RARA: variants seen among roughly 807,000 people sequenced by gnomAD.
RARA encodes PML-DDX5-RARA fusion.
Under a neutral mutation model 42.8 loss-of-function variants are expected in RARA, and 5 were observed. The observed-to-expected ratio is 0.12, with a 90% CI of 0.06 to 0.25. RARA has a LOEUF of 0.25. RARA is among the 10% of genes least tolerant of loss of function. RARA has a pLI of 1.00. For missense variants in RARA, 402 were observed against 628.7 expected (o/e 0.64, Z 3.86); for synonymous variants, 256 against 259.5 (o/e 0.99, Z 0.13).
At position 40,357,510 on chromosome 17, in the gene RARA, G is replaced by T. The variant is rs1309093964; in HGVS notation, c.*1284G>T. On this transcript the variant is annotated 3_prime_UTR_variant, in exon 9 of 9. Transcript: ENST00000254066. The stretch of plus-strand genomic sequence containing the variant: ...TCCCCTCACCCCTGCACCCCCAGCT[G>T]GGGGAGCTGGCTCTGCCCCGACCTC... The T allele has an allele frequency of 4.3e-6, 1 of 230,420 alleles. No individual in the cohort carries two copies. Among genetic ancestry groups the T allele is most frequent in the East Asian group, 6.1e-5 (1 of 16,322 alleles). 14.3% of individuals were successfully genotyped at this position (230,420 alleles called of 1,614,324 possible).
chr17:40,335,658 C>T (rs925556836), intron 2 of RARA, among the ~76,000 whole-genome samples: 1 of 151,800 alleles, frequency 6.6e-6, no homozygotes, highest in Non-Finnish European at 1.5e-5. Flanking sequence ...CCACTGCACT[C>T]CAGCCTGGGG....
intron 1 of RARA, among the ~76,000 whole-genome samples, chr17:40,315,072 TGAG>T (rs2033165860): frequency 2.1e-5 from 3 of 140,878 alleles, no homozygotes; most frequent in Admixed American, 1.5e-4. Context: ...AGGAAAGAGT[TGAG>T]GAGGGAACAT....
At chr17:40,325,941 T>C (rs1194206322) in intron 1 of RARA, among the ~76,000 whole-genome samples, 2 of 152,088 alleles carry the variant, frequency 1.3e-5, no homozygotes, top group East Asian at 1.9e-4. Context: ...GAGGAAATGG[T>C]CTATTTCTCT....
At chr17:40,319,774 G>T (rs1467257762) in intron 1 of RARA, among the ~76,000 whole-genome samples, 1 of 152,218 alleles carries the variant, frequency 6.6e-6, no homozygotes, top group African/African-American at 2.4e-5. Flanking sequence ...GGAAGCCCCG[G>T]GTTGGAGTGG....
intron 2 of RARA, chr17:40,342,157 G>T (rs2034079125): frequency 1.1e-5 from 12 of 1,050,128 alleles, no homozygotes; most frequent in South Asian, 4.5e-5. Flanking sequence ...GGGGTGGGGG[G>T]GCCGTGGCGC....
At position 40,355,127 on chromosome 17, in the gene RARA, C is replaced by T. The variant is rs1326649838; in HGVS notation, c.1013-136C>T. On this transcript the variant is annotated intron_variant, in intron 7 of 8. Transcript: ENST00000254066. This position sits in a 1 kb window ranked among gnomAD's most constrained non-coding sequence, Gnocchi z 4.1. Reference sequence around the variant, plus strand: ...CTCTGTACCCTGCGGCAGCAGAGACCCCATGCCCTGCCCTGTGTGGGGAGG... The same window carrying T: ...CTCTGTACCCTGCGGCAGCAGAGACTCCATGCCCTGCCCTGTGTGGGGAGG... 1 of 1,118,462 alleles carries T rather than the reference C, an allele frequency of 8.9e-7. No individual in the cohort carries two copies. The highest frequency in any genetic ancestry group is 2.6e-5 in the East Asian group (1 of 38,414). The allele number at this position is 1,118,462 out of a possible 1,614,324, so 69.3% of individuals were successfully genotyped here.
At chr17:40,322,306 T>G (rs1344850148) in intron 1 of RARA, among the ~76,000 whole-genome samples, 1 of 150,564 alleles carries the variant, frequency 6.6e-6, no homozygotes, top group Non-Finnish European at 1.5e-5. Context: ...AGGGGAGAGG[T>G]GGCAGGGGCT....
In RARA at chr17:40,345,871, T is replaced by G. The variant is rs928773034; in HGVS notation, c.179-2445T>G. ...TCCCCACACCTCCGGCCTTGGTCCTTGTACCTCACCTCCTTGGACTGCTGG... is the reference window on the plus strand; with the variant it reads ...TCCCCACACCTCCGGCCTTGGTCCTGGTACCTCACCTCCTTGGACTGCTGG... On this transcript the variant is annotated intron_variant, in intron 2 of 8. Transcript: ENST00000254066. This position sits in a 1 kb window ranked among gnomAD's most constrained non-coding sequence, Gnocchi z 4.8. Among the ~76,000 whole-genome samples the G allele has an allele frequency of 6.6e-6, 1 of 152,176 alleles. No individual in the cohort carries two copies. Among genetic ancestry groups the G allele is most frequent in the Non-Finnish European group, 1.5e-5 (1 of 68,028 alleles).
At chr17:40,314,177 T>TGGG (rs2033147274) in intron 1 of RARA, among the ~76,000 whole-genome samples, 2 of 9,888 alleles carry the variant, frequency 2.0e-4, no homozygotes, top group African/African-American at 3.8e-4. Context: ...ATATGGCGGG[T>TGGG]GGAGGGGTGG....
chr17:40,332,927 T>C (rs1322454853), intron 2 of RARA, among the ~76,000 whole-genome samples: 1 of 152,234 alleles, frequency 6.6e-6, no homozygotes, highest in Non-Finnish European at 1.5e-5. Flanking sequence ...TACTAGGGAA[T>C]GCATTGGTGT....
intron 1 of RARA, among the ~76,000 whole-genome samples, chr17:40,309,598 C>T (rs2033057858): frequency 6.6e-6 from 1 of 152,200 alleles, no homozygotes; most frequent in African/African-American, 2.4e-5. Context: ...TTGCCTAATA[C>T]CCCTTCCCCC....
At chr17:40,347,660 C>G (rs1323256726) in intron 2 of RARA, among the ~76,000 whole-genome samples, 1 of 152,180 alleles carries the variant, frequency 6.6e-6, no homozygotes, top group Non-Finnish European at 1.5e-5. Flanking sequence ...TTTTGGGGCC[C>G]TGGGGACTCT....
chr17:40,331,647 C>A (rs918731625), intron 2 of RARA, among the ~76,000 whole-genome samples: 1 of 152,156 alleles, frequency 6.6e-6, no homozygotes, highest in South Asian at 2.1e-4. Flanking sequence ...TTCTGGCCTG[C>A]AGTGGCCCTC....
Position 40,349,824 on chromosome 17 carries a change from C to T in RARA, c.368C>T (p.Thr123Met), listed in dbSNP as rs1031458847. 4 of 1,614,210 alleles carry T rather than the reference C, an allele frequency of 2.5e-6. No homozygotes were observed. The highest frequency in any genetic ancestry group is 2.2e-5 in the East Asian group (1 of 44,890). Reference protein sequence around the residue: ...RRSIQKNMVYTCHRDKNCIIN... With the variant: ...RRSIQKNMVYMCHRDKNCIIN... ...AGCATCCAGAAGAACATGGTGTACA[C>T]GTGTCACCGGGACAAGAACTGCATC... Residue 123 changes from threonine (T) to methionine (M), a missense_variant, in exon 4 of 9, where the codon ACG becomes ATG. By Grantham distance (81) the Thr-to-Met change is moderately conservative. This residue lies in a region of RARA where 130 missense variants were observed against 267.9 expected (regional missense o/e 0.49). Transcript: ENST00000254066.
At chr17:40,315,170 A>G (rs1263079015) in intron 1 of RARA, among the ~76,000 whole-genome samples, 2 of 133,674 alleles carry the variant, frequency 1.5e-5, no homozygotes, top group Non-Finnish European at 3.2e-5. Context: ...ATATATATAT[A>G]TACACACACA....
chr17:40,343,119 A>G (rs2034133658), intron 2 of RARA: 3 of 573,442 alleles, frequency 5.2e-6, no homozygotes, highest in Admixed American at 9.0e-5. Flanking sequence ...ACATTCCTTC[A>G]TCTCTTGTTT....
chr17:40,354,182 C>T lies in RARA; in HGVS notation c.808-120C>T. ...CATCATTGTAGAAAATTCTATCAGA[C>T]AGCATTGCTCCGGCCACCTGCCAGG... On this transcript the variant is annotated intron_variant, in intron 6 of 8. Transcript: ENST00000254066. This position sits in a 1 kb window ranked among gnomAD's most constrained non-coding sequence, Gnocchi z 4.5. 1 of 880,576 alleles carries T rather than the reference C, an allele frequency of 1.1e-6. No individual in the cohort carries two copies. The allele number at this position is 880,576 out of a possible 1,614,324, so 54.5% of individuals were successfully genotyped here. A position where few individuals can be genotyped will look rare whatever the true frequency, so the allele number is the denominator to read the frequency against.
At chr17:40,336,180 C>T (rs1160390317) in intron 2 of RARA, among the ~76,000 whole-genome samples, 2 of 152,068 alleles carry the variant, frequency 1.3e-5, no homozygotes, top group Admixed American at 6.5e-5. Context: ...CAGGTTCAAG[C>T]GATTCTCTTG....
intron 1 of RARA, among the ~76,000 whole-genome samples, chr17:40,321,280 C>T (rs924179666): frequency 2.6e-5 from 4 of 151,960 alleles, no homozygotes; most frequent in Admixed American, 1.3e-4. Context: ...GTGGGTGTCT[C>T]GGGTGTGGGT....
Sources: allele counts gnomAD v4.1 joint callset (sites outside exome capture counted in the v4.1 genomes callset), GRCh38; gene constraint gnomAD v4.1.1; regional missense constraint gnomAD v4.1.1; non-coding constraint Gnocchi (gnomAD v3.1); transcripts MANE v1.5; gene names NCBI Gene and HGNC (gene_info 2026-07-23, HGNC 2026-07-21).